Variants in TM2D1 observed in about 807,000 individuals in gnomAD.
The protein encoded by TM2D1 is TM2 domain-containing protein 1.
A neutral mutation model predicts 28.4 loss-of-function variants in TM2D1; 15 were observed. That is an observed-to-expected ratio of 0.53 (90% CI 0.35 to 0.81). The LOEUF (loss-of-function observed/expected upper bound fraction) is 0.81. Among genes scored for constraint, TM2D1 ranks in the 40% least tolerant of loss-of-function variants. The probability of loss-of-function intolerance (pLI) is 0.01; values close to 1 mark genes in which losing one functional copy is unlikely to be tolerated. For synonymous variants in TM2D1, 93 were observed against 96.2 expected, an observed-to-expected ratio of 0.97 and a Z score of 0.20; for missense variants, 236 against 254.9, an observed-to-expected ratio of 0.93 and a Z score of 0.50.
intron 2 of TM2D1, among the ~76,000 whole-genome samples, chr1:61,721,185 G>GCAGTCTAA (rs1644561263): frequency 1.3e-5 from 2 of 151,922 alleles, no homozygotes; most frequent in African/African-American, 4.8e-5. Flanking sequence ...GAGCTAAGAC[G>GCAGTCTAA]GTGCCACTGC....
intron 2 of TM2D1, among the ~76,000 whole-genome samples, chr1:61,719,991 TA>T (rs935298108): frequency 5.3e-5 from 8 of 152,230 alleles, no homozygotes; most frequent in Non-Finnish European, 7.3e-5. Flanking sequence ...GCCATGTTGA[TA>T]ATGTTGTTTC....
chr1:61,687,338 G>C (rs1178297629), intron 5 of TM2D1, among the ~76,000 whole-genome samples: 1 of 152,150 alleles, frequency 6.6e-6, no homozygotes, highest in African/African-American at 2.4e-5. Context: ...GGTGACAGTT[G>C]TAAAATATTC....
intron 2 of TM2D1, among the ~76,000 whole-genome samples, chr1:61,712,678 T>C (rs1253986823): frequency 6.6e-6 from 1 of 152,142 alleles, no homozygotes; most frequent in Non-Finnish European, 1.5e-5. Context: ...CCCAAAGTGC[T>C]GGGATTACAG....
chr1:61,694,870 A>G (rs1151765), intron 4 of TM2D1, 100 bp from the exon 5 acceptor site: 514,475 of 550,298 alleles, frequency 0.93, 240,760 homozygotes, highest in South Asian at 0.97. Context: ...TATATATCAC[A>G]CTCTTTATAT....
intron 5 of TM2D1, among the ~76,000 whole-genome samples, chr1:61,684,773 CATTT>C (rs1358491917): frequency 2.0e-5 from 3 of 151,896 alleles, no homozygotes; most frequent in African/African-American, 7.2e-5. Context: ...TTCTCTCTTT[CATTT>C]GTTTGTTTGT....
At chr1:61,690,598 T>C (rs1644316993) in intron 5 of TM2D1, among the ~76,000 whole-genome samples, 1 of 152,010 alleles carries the variant, frequency 6.6e-6, no homozygotes, top group African/African-American at 2.4e-5. Context: ...ATTTTGCATC[T>C]CATCTTGCTT....
intron 3 of TM2D1, among the ~76,000 whole-genome samples, chr1:61,705,659 T>G (rs1283547979): frequency 6.6e-6 from 1 of 152,198 alleles, no homozygotes; most frequent in Non-Finnish European, 1.5e-5. Flanking sequence ...CTTTCCCATC[T>G]GCTGCCTTAG....
chr1:61,705,560 C>CT (rs1644434571), intron 3 of TM2D1, among the ~76,000 whole-genome samples: 1 of 152,168 alleles, frequency 6.6e-6, no homozygotes, highest in South Asian at 2.1e-4. Context: ...GCAGCCATAA[C>CT]TGAGTTTTGG....
At chr1:61,693,311 T>C (rs974716700) in intron 5 of TM2D1, among the ~76,000 whole-genome samples, 1 of 152,200 alleles carries the variant, frequency 6.6e-6, no homozygotes, top group Non-Finnish European at 1.5e-5. Flanking sequence ...ATTAGCTCTA[T>C]AATTTGATAT....
intron 5 of TM2D1, among the ~76,000 whole-genome samples, chr1:61,691,376 T>A (rs1027238154): frequency 1.1e-4 from 16 of 150,488 alleles, no homozygotes; most frequent in Admixed American, 3.4e-4. Context: ...GTGCCTGTAA[T>A]CCCAGCTACT....
At chr1:61,683,614 T>C in intron 5 of TM2D1, 68 bp from the exon 6 acceptor site, 1 of 799,158 alleles carries the variant, frequency 1.3e-6, no homozygotes, top group Non-Finnish European at 1.9e-6. Flanking sequence ...TGTTTACTTT[T>C]CTCAGTTGTT....
In TM2D1 at chr1:61,724,939, G is replaced by C. The variant is rs1383135133; in HGVS notation, c.164+18C>G. 6.4e-7 allele frequency: 1 copy of C among 1,574,256 alleles called. No individual in the cohort carries two copies. On this transcript the variant is annotated intron_variant, in intron 1 of 6. Coordinates refer to ENST00000606498, the MANE Select transcript of TM2D1 (RefSeq NM_032027.3). ...CTCTACCTCGCCTCCATGGGGGGGT[G>C]TTCTCCACAGAGGATATTGTCCCAC...
intron 5 of TM2D1, among the ~76,000 whole-genome samples, chr1:61,687,271 ATTACT>A (rs1644291254): frequency 6.6e-6 from 1 of 152,174 alleles, no homozygotes; most frequent in African/African-American, 2.4e-5. Flanking sequence ...GAAGGAAGCT[ATTACT>A]TAAGGGGTAC....
chr1:61,713,042 C>T lies in TM2D1; in HGVS notation c.239-3605G>A, dbSNP rs139042613. Among the ~76,000 whole-genome samples, 855 of 151,944 alleles carry T rather than the reference C, an allele frequency of 5.6e-3. 8 individuals are homozygous for T. The highest frequency in any genetic ancestry group is 0.014 in the South Asian group (68 of 4,806). ...AAAATCAGTGGGGTGTGGTGGCACA[C>T]ACCTGAAATCCCAGCTACTTGGGAG... On this transcript the variant is annotated intron_variant, in intron 2 of 6. Coordinates refer to ENST00000606498, the MANE Select transcript of TM2D1 (RefSeq NM_032027.3).
chr1:61,683,656 A>T, intron 5 of TM2D1, 110 bp from the exon 6 acceptor site: 1 of 585,840 alleles, frequency 1.7e-6, no homozygotes, highest in Non-Finnish European at 2.9e-6. Flanking sequence ...ACAAAAATCC[A>T]GCTCTAACCT....
chr1:61,702,554 A>G, intron 3 of TM2D1, among the ~76,000 whole-genome samples: 1 of 150,564 alleles, frequency 6.6e-6, no homozygotes, highest in Admixed American at 6.6e-5. Context: ...TTTTTGTAGA[A>G]AAGGGGTTTC....
intron 2 of TM2D1, among the ~76,000 whole-genome samples, chr1:61,722,216 G>A (rs1358004939): frequency 6.6e-6 from 1 of 152,068 alleles, no homozygotes; most frequent in East Asian, 1.9e-4. Context: ...ATCCTGGGAG[G>A]TGGAGGTTGC....
intron 5 of TM2D1, among the ~76,000 whole-genome samples, chr1:61,688,453 G>A (rs1043178104): frequency 5.3e-5 from 8 of 152,308 alleles, no homozygotes; most frequent in East Asian, 1.9e-4. Flanking sequence ...GGCCAGACAC[G>A]GTGGCTCACG....
chr1:61,681,548 GT>G (rs1482796317), intron 6 of TM2D1, among the ~76,000 whole-genome samples, 198 bp from the exon 7 acceptor site: 1 of 152,140 alleles, frequency 6.6e-6, no homozygotes, highest in Non-Finnish European at 1.5e-5. Context: ...CAGGTTTTAA[GT>G]TTCAAATCTG....
Sources: gnomAD v4.1 joint callset for allele counts (sites outside exome capture counted in the v4.1 genomes callset) on GRCh38, gnomAD v4.1.1 for gene constraint, MANE v1.5 for transcripts, NCBI Gene and HGNC (gene_info 2026-07-23, HGNC 2026-07-21) for gene names.